The following CNTN4 variants were observed in gnomAD, a reference collection of about 807,000 sequenced individuals.
CNTN4 encodes the protein contactin-4.
A neutral mutation model predicts 122.5 loss-of-function variants in CNTN4; 77 were observed. The ratio of observed to expected loss-of-function variants is 0.63; its 90% CI spans 0.52 to 0.76. The LOEUF (loss-of-function observed/expected upper bound fraction) is 0.76, where lower values mean the gene tolerates loss of function less well. CNTN4 is among the 30% of genes least tolerant of loss of function. CNTN4 has a pLI of 0.00. For synonymous variants in CNTN4, 512 were observed against 447.0 expected, an observed-to-expected ratio of 1.15 and a Z score of -1.83; for missense variants, 1,256 against 1,259.1, an observed-to-expected ratio of 1.00 and a Z score of 0.04.
chr3:2,181,553 C>T (rs950634993), intron 2 of CNTN4, among the ~76,000 whole-genome samples: 2 of 152,050 alleles, frequency 1.3e-5, no homozygotes, highest in African/African-American at 2.4e-5. Context: ...TCTGAGTCCC[C>T]TGACTACTAA....
chr3:2,958,063 G>A (rs992258410), intron 13 of CNTN4, among the ~76,000 whole-genome samples: 2 of 152,068 alleles, frequency 1.3e-5, no homozygotes, highest in African/African-American at 4.8e-5. Context: ...TCTCTGATGG[G>A]AGGCTGTTGC....
intron 2 of CNTN4, among the ~76,000 whole-genome samples, chr3:2,243,494 A>G (rs1461227592): frequency 6.6e-6 from 1 of 151,430 alleles, no homozygotes; most frequent in Admixed American, 6.6e-5. Flanking sequence ...AACTTTCTTA[A>G]AACATTATGA....
intron 2 of CNTN4, among the ~76,000 whole-genome samples, chr3:2,210,482 C>T (rs2038566850): frequency 6.6e-6 from 1 of 152,110 alleles, no homozygotes; most frequent in Admixed American, 6.6e-5. Flanking sequence ...TGGCCCCCTC[C>T]AGTACATTTT....
intron 14 of CNTN4, among the ~76,000 whole-genome samples, chr3:3,018,573 A>G (rs1697986682): frequency 6.6e-6 from 1 of 152,222 alleles, no homozygotes; most frequent in South Asian, 2.1e-4. Context: ...CAGAGGAGAC[A>G]GCTGGCAATG....
chr3:2,926,810 G>A (rs2094477350), intron 13 of CNTN4, among the ~76,000 whole-genome samples: 2 of 152,072 alleles, frequency 1.3e-5, no homozygotes, highest in African/African-American at 4.8e-5. Context: ...GGACTAAGGA[G>A]TAACAAATGT....
chr3:2,788,042 G>A (rs2091895890), intron 6 of CNTN4, among the ~76,000 whole-genome samples: 2 of 151,908 alleles, frequency 1.3e-5, no homozygotes, highest in African/African-American at 4.8e-5. Flanking sequence ...TGCCCACCTC[G>A]GCCTCTCAAA....
At chr3:2,399,408 GTTGT>G (rs1396339823) in intron 3 of CNTN4, among the ~76,000 whole-genome samples, 5 of 152,042 alleles carry the variant, frequency 3.3e-5, no homozygotes, top group Admixed American at 1.3e-4. Flanking sequence ...TGTTTTTGTT[GTTGT>G]TTGTTTCTTT....
chr3:2,324,843 A>G (rs1014000226), intron 2 of CNTN4, among the ~76,000 whole-genome samples: 1 of 152,046 alleles, frequency 6.6e-6, no homozygotes, highest in African/African-American at 2.4e-5. Context: ...CTCGCAAACA[A>G]TCATAAGGAG....
chr3:2,730,134 G>A (rs1177662115), intron 4 of CNTN4, among the ~76,000 whole-genome samples: 3 of 152,082 alleles, frequency 2.0e-5, no homozygotes, highest in Non-Finnish European at 2.9e-5. Flanking sequence ...TTTGTGGGGG[G>A]TGGCAGTGGA....
At chr3:2,209,876 G>T (rs2038530794) in intron 2 of CNTN4, among the ~76,000 whole-genome samples, 1 of 151,984 alleles carries the variant, frequency 6.6e-6, no homozygotes, top group Non-Finnish European at 1.5e-5. Context: ...TATTGACTTT[G>T]ATAAGCAAGT....
intron 3 of CNTN4, among the ~76,000 whole-genome samples, chr3:2,425,247 A>G (rs1010167146): frequency 4.6e-5 from 7 of 152,168 alleles, no homozygotes; most frequent in African/African-American, 1.2e-4. Flanking sequence ...TAATTTTTGT[A>G]TAAGGTGTAA....
chr3:2,323,884 C>G (rs2043355649), intron 2 of CNTN4, among the ~76,000 whole-genome samples: 1 of 152,176 alleles, frequency 6.6e-6, no homozygotes, highest in Non-Finnish European at 1.5e-5. Context: ...TTTTGGAAAT[C>G]TGTACCGTGC....
At chr3:2,662,350 T>C (rs933745955) in intron 4 of CNTN4, among the ~76,000 whole-genome samples, 12 of 152,330 alleles carry the variant, frequency 7.9e-5, no homozygotes, top group African/African-American at 2.9e-4. Context: ...GCAACAACTA[T>C]GGTTCATACA....
intron 3 of CNTN4, among the ~76,000 whole-genome samples, chr3:2,343,207 C>G (rs1488110829): frequency 6.6e-6 from 1 of 152,126 alleles, no homozygotes; most frequent in Non-Finnish European, 1.5e-5. Flanking sequence ...CTTCCTACAA[C>G]TGAATCAAAA....
chr3:2,251,103 C>T (rs931658479), intron 2 of CNTN4, among the ~76,000 whole-genome samples: 4 of 151,734 alleles, frequency 2.6e-5, no homozygotes, highest in East Asian at 3.9e-4. Context: ...AATGGAAAAC[C>T]GATCATCTGA....
chr3:2,827,727 A>G (rs898514844), intron 7 of CNTN4, among the ~76,000 whole-genome samples: 1 of 152,148 alleles, frequency 6.6e-6, no homozygotes, highest in Non-Finnish European at 1.5e-5. Flanking sequence ...ACCCTGTGTG[A>G]TTCTTTATAT....
intron 3 of CNTN4, among the ~76,000 whole-genome samples, chr3:2,420,896 G>A (rs1445478450): frequency 2.0e-5 from 3 of 152,142 alleles, no homozygotes; most frequent in African/African-American, 7.2e-5. Context: ...CTCAAGAGAT[G>A]GCCGTATTTT....
rs543647894 is a variant in CNTN4 at position 2,302,859 on chromosome 3, A to G, written c.-144-36319A>G. On this transcript the variant is annotated intron_variant, in intron 2 of 24. Coordinates refer to ENST00000418658, the MANE Select transcript of CNTN4 (RefSeq NM_175607.3). The stretch of plus-strand genomic sequence containing the variant: ...TACCTAGCAATGCCAAGCACACTGT[A>G]TGTGCTTCATTAATACTTGTGAATA... Among the ~76,000 whole-genome samples, 44 of 131,532 alleles carry G rather than the reference A, an allele frequency of 3.3e-4. No homozygotes were observed. In the East Asian group the frequency reaches 0.012, roughly 35 times the overall value. The allele number at this position is 131,532 out of a possible 152,430, so 86.3% of individuals were successfully genotyped here.
At position 2,928,524 on chromosome 3, in the gene CNTN4, C is replaced by T. The variant is rs139162700; in HGVS notation, c.1358+2745C>T. 1.0e-3 allele frequency among the ~76,000 whole-genome samples: 156 copies of T among 152,292 alleles called. 1 individual carries two copies. The highest frequency in any genetic ancestry group is 3.5e-3 in the African/African-American group (145 of 41,570). On this transcript the variant is annotated intron_variant, in intron 13 of 24. Transcript: ENST00000418658. ...CATGAAGTGCAAAATTCTTTGACTACACAGCTTTGAGTAATAATTTCTAAT... is the reference window on the plus strand; with the variant it reads ...CATGAAGTGCAAAATTCTTTGACTATACAGCTTTGAGTAATAATTTCTAAT...
Sources: gnomAD v4.1 joint callset for allele counts (sites outside exome capture counted in the v4.1 genomes callset) on GRCh38, gnomAD v4.1.1 for gene constraint, MANE v1.5 for transcripts, NCBI Gene and HGNC (gene_info 2026-07-23, HGNC 2026-07-21) for gene names.